Variants in PRDM5 observed in about 807,000 individuals in gnomAD.
PRDM5 encodes the protein PR domain zinc finger protein 5.
A neutral mutation model predicts 81.2 loss-of-function variants in PRDM5; 56 were observed. The observed-to-expected ratio is 0.69, with a 90% confidence interval of 0.56 to 0.86. PRDM5 has a LOEUF of 0.86. Ranked by LOEUF, PRDM5 falls within the 40% of genes least tolerant of loss-of-function variation. PRDM5 has a pLI of 0.00. For synonymous variants in PRDM5, 267 were observed against 256.4 expected (o/e 1.04, Z -0.39); for missense variants, 697 against 770.1 (o/e 0.91, Z 1.12).
intron 2 of PRDM5, among the ~76,000 whole-genome samples, chr4:120,862,762 G>A (rs1014316131): frequency 2.0e-5 from 3 of 152,128 alleles, no homozygotes; most frequent in Non-Finnish European, 1.5e-5. Flanking sequence ...TAGGGAGAAG[G>A]CATCTATGAG....
chr4:120,737,220 T>C (rs1277227443), intron 14 of PRDM5, among the ~76,000 whole-genome samples: 3 of 152,086 alleles, frequency 2.0e-5, no homozygotes, highest in Non-Finnish European at 4.4e-5. Context: ...ACAAGAATGG[T>C]CCAGACAGGC....
intron 10 of PRDM5, among the ~76,000 whole-genome samples, chr4:120,785,329 A>T (rs944637739): frequency 2.6e-5 from 4 of 151,092 alleles, no homozygotes; most frequent in Middle Eastern, 3.5e-3. Context: ...GTAAAAAAAA[A>T]ATATTCCTAT....
chr4:120,834,448 G>T (rs570639493), intron 3 of PRDM5, among the ~76,000 whole-genome samples: 1 of 152,036 alleles, frequency 6.6e-6, no homozygotes, highest in Admixed American at 6.6e-5. Context: ...GCAGGCCCTC[G>T]TCAGACAACT....
intron 15 of PRDM5, among the ~76,000 whole-genome samples, chr4:120,697,881 A>G (rs774631030): frequency 6.6e-6 from 1 of 151,808 alleles, no homozygotes; most frequent in African/African-American, 2.4e-5. Context: ...AAGCAGAATA[A>G]TAAGATCAAG....
chr4:120,707,893 C>A (rs1736432079), intron 15 of PRDM5, among the ~76,000 whole-genome samples: 1 of 151,760 alleles, frequency 6.6e-6, no homozygotes, highest in Non-Finnish European at 1.5e-5. Flanking sequence ...TAGAAATGGT[C>A]AGGAAGTATA....
chr4:120,744,103 A>G (rs1742575998), intron 14 of PRDM5, among the ~76,000 whole-genome samples: 1 of 152,198 alleles, frequency 6.6e-6, no homozygotes. Flanking sequence ...GTGCAATCAA[A>G]CTAGAACGCA....
At chr4:120,778,024 A>G (rs994500834) in intron 12 of PRDM5, among the ~76,000 whole-genome samples, 10 of 152,106 alleles carry the variant, frequency 6.6e-5, no homozygotes, top group Admixed American at 6.6e-5. Flanking sequence ...TGCTCCCAAC[A>G]TAAAAACAGA....
At chr4:120,829,025 G>A (rs1159243768) in intron 3 of PRDM5, among the ~76,000 whole-genome samples, 2 of 151,970 alleles carry the variant, frequency 1.3e-5, no homozygotes, top group South Asian at 2.1e-4. Flanking sequence ...AATTTAAAAG[G>A]AAAAGTACAT....
At chr4:120,811,664 T>G (rs938086852) in intron 7 of PRDM5, among the ~76,000 whole-genome samples, 1 of 152,078 alleles carries the variant, frequency 6.6e-6, no homozygotes, top group South Asian at 2.1e-4. Context: ...TTAATTAACA[T>G]GTATATAGGG....
intron 14 of PRDM5, among the ~76,000 whole-genome samples, chr4:120,729,381 C>CA (rs138781809): frequency 0.036 from 5,440 of 152,136 alleles, 124 homozygotes; most frequent in African/African-American, 0.061. Flanking sequence ...ATACTGAAAT[C>CA]AAGCATTTTT....
intron 1 of PRDM5, chr4:120,685,131 C>G (rs1733785082): frequency 6.6e-6 from 1 of 151,892 alleles, no homozygotes; most frequent in African/African-American, 2.4e-5. Context: ...TTACTTATGG[C>G]AAATTTCATT....
intron 2 of PRDM5, among the ~76,000 whole-genome samples, chr4:120,861,960 C>T (rs552763034): frequency 7.1e-4 from 108 of 152,174 alleles, no homozygotes; most frequent in African/African-American, 2.5e-3. Flanking sequence ...TCTCCTAATC[C>T]AAATTCCTCT....
chr4:120,790,960 A>C (rs1297374353), intron 10 of PRDM5, among the ~76,000 whole-genome samples: 1 of 144,300 alleles, frequency 6.9e-6, no homozygotes, highest in East Asian at 2.1e-4. Flanking sequence ...CAAACAAAAA[A>C]ACAGAAAAAC....
intron 2 of PRDM5, among the ~76,000 whole-genome samples, chr4:120,878,222 C>A (rs1762512174): frequency 6.6e-6 from 1 of 152,026 alleles, no homozygotes; most frequent in Admixed American, 6.6e-5. Context: ...GAACTTACCT[C>A]CTGATTAAAA....
chr4:120,825,744 T>C (rs1019884636), intron 3 of PRDM5, among the ~76,000 whole-genome samples: 5 of 152,192 alleles, frequency 3.3e-5, no homozygotes, highest in Non-Finnish European at 4.4e-5. Context: ...TCTGCCTGCC[T>C]AGTAGAGCTC....
At chr4:120,867,396 TC>T (rs781742947) in intron 2 of PRDM5, among the ~76,000 whole-genome samples, 30 of 152,208 alleles carry the variant, frequency 2.0e-4, no homozygotes. Flanking sequence ...TTTCTACATT[TC>T]CCATTTCATC....
chr4:120,850,127 C>T (rs749971765), intron 3 of PRDM5, among the ~76,000 whole-genome samples: 2 of 152,192 alleles, frequency 1.3e-5, no homozygotes, highest in Non-Finnish European at 2.9e-5. Context: ...ACTTCATAAT[C>T]CCTTGTCCAA....
rs192521860 is a variant in PRDM5, at chr4:120,816,742, T to G, written c.743+90A>C. On this transcript the variant is annotated intron_variant, in intron 6 of 15. Transcript: ENST00000264808. The stretch of plus-strand genomic sequence containing the variant: ...AAAGCATTTAAATTCTGTAGGTATG[T>G]GAAACTGAATTACTAAGAAGCATGA... The G allele has an allele frequency of 4.6e-6, 7 of 1,513,406 alleles. No individual in the cohort carries two copies. In the South Asian group the frequency reaches 7.9e-5, roughly 17 times the overall value. The allele number at this position is 1,513,406 out of a possible 1,614,324, so 93.7% of individuals were successfully genotyped here. A position where few individuals can be genotyped will look rare whatever the true frequency, so the allele number is the denominator to read the frequency against.
intron 11 of PRDM5, among the ~76,000 whole-genome samples, chr4:120,782,894 AC>A: frequency 6.6e-6 from 1 of 152,236 alleles, no homozygotes; most frequent in East Asian, 1.9e-4. Context: ...TGGTCCCTGT[AC>A]AAAATCTCAT....
Sources: gnomAD v4.1 joint callset for allele counts (sites outside exome capture counted in the v4.1 genomes callset) on GRCh38, gnomAD v4.1.1 for gene constraint, MANE v1.5 for transcripts, NCBI Gene and HGNC (gene_info 2026-07-23, HGNC 2026-07-21) for gene names.